Variants in COL5A1 observed in about 807,000 individuals in gnomAD.
The protein encoded by COL5A1 is collagen type V alpha 1 chain.
COL5A1 carries 16 observed loss-of-function variants against 263.7 expected under a neutral mutation model. That is an observed-to-expected ratio of 0.06 (90% CI 0.04 to 0.09). The LOEUF (loss-of-function observed/expected upper bound fraction) is 0.09. COL5A1 is among the 10% of genes least tolerant of loss of function. COL5A1 has a pLI of 1.00. For synonymous variants in COL5A1, 1,012 were observed against 1,004.5 expected (o/e 1.01, Z -0.14); for missense variants, 2,036 against 2,540.5 (o/e 0.80, Z 4.27).
rs61736966 is a variant in COL5A1, at chr9:134,796,855, A to G, written c.2852A>G (p.Asn951Ser). ...GCCTTTCTCTGTTCCCAGGGACCCA[A>G]TGGACCCCAAGGACCCACAGGATTT... The part of the protein sequence containing the change: ...PAGPPGERGP[N>S]GPQGPTGFPG... The change falls in exon 36 of 66, where the codon AAT becomes AGT. Residue 951 changes from asparagine to serine, a missense_variant. Coordinates refer to ENST00000371817, the MANE Select transcript of COL5A1 (RefSeq NM_000093.5). 0.013 allele frequency: 20,805 copies of G among 1,613,888 alleles called. 175 individuals are homozygous for G. The highest frequency in any genetic ancestry group is 0.016 in the South Asian group (1,421 of 91,074).
intron 9 of COL5A1, among the ~76,000 whole-genome samples, chr9:134,738,214 C>T (rs533254322): frequency 1.2e-4 from 19 of 152,316 alleles, no homozygotes; most frequent in African/African-American, 1.4e-4. Context: ...AGGTGCTTCT[C>T]GTGGCGCTGG....
At chr9:134,643,023 T>G (rs1014005880) in intron 1 of COL5A1, among the ~76,000 whole-genome samples, 7 of 152,144 alleles carry the variant, frequency 4.6e-5, no homozygotes, top group Admixed American at 1.3e-4. Flanking sequence ...CAGGCGGGGC[T>G]GTGAGTGGTT....
intron 38 of COL5A1, among the ~76,000 whole-genome samples, chr9:134,802,522 C>T (rs1325101650): frequency 1.3e-5 from 2 of 152,326 alleles, no homozygotes; most frequent in African/African-American, 4.8e-5. Flanking sequence ...AGCCACAGAA[C>T]TGAAGGGCAT....
intron 37 of COL5A1, among the ~76,000 whole-genome samples, chr9:134,799,918 G>A (rs993411094): frequency 3.9e-5 from 6 of 152,184 alleles, no homozygotes; most frequent in African/African-American, 9.7e-5. Flanking sequence ...TCTCTGCTCA[G>A]AAAGTTGCAC....
At chr9:134,804,767 C>T (rs902687778) in intron 39 of COL5A1, among the ~76,000 whole-genome samples, 22 of 152,222 alleles carry the variant, frequency 1.4e-4, no homozygotes, top group South Asian at 1.2e-3. Context: ...AAGGCCCCGA[C>T]CCTTGGCCTT....
At chr9:134,814,089 G>C in intron 49 of COL5A1, 53 bp downstream of exon 49, 1 of 1,529,236 alleles carries the variant, frequency 6.5e-7, no homozygotes, top group Non-Finnish European at 8.9e-7. Context: ...CGGGTGTGTG[G>C]ACGGGGTGCT....
At chr9:134,828,192 C>T (rs1003022081) in intron 63 of COL5A1, among the ~76,000 whole-genome samples, 6 of 152,160 alleles carry the variant, frequency 3.9e-5, no homozygotes, top group Non-Finnish European at 8.8e-5. Flanking sequence ...TGCAGGTCTC[C>T]CCTCAGAGGA....
chr9:134,829,359 A>C (rs998831693), intron 63 of COL5A1, among the ~76,000 whole-genome samples: 190 of 95,140 alleles, frequency 2.0e-3, no homozygotes, highest in African/African-American at 6.0e-3. Flanking sequence ...GGCCAGGCTC[A>C]TCCTCACGCG....
rs1338172696 is a variant in COL5A1, at chr9:134,757,709, C to T, written c.1882-534C>T. Reference sequence around the variant, plus strand: ...ACATCACCCCAGATGGTGTGCACACCCATGAGACAGGGCCCTGTTCCCGGG... The same window carrying T: ...ACATCACCCCAGATGGTGTGCACACTCATGAGACAGGGCCCTGTTCCCGGG... On this transcript the variant is annotated intron_variant, in intron 17 of 65. Transcript: ENST00000371817. This position sits in a 1 kb window ranked among gnomAD's most constrained non-coding sequence, Gnocchi z 6.2. Among the ~76,000 whole-genome samples the T allele has an allele frequency of 6.6e-6, 1 of 152,144 alleles. No homozygotes were observed. Among genetic ancestry groups the T allele is most frequent in the East Asian group, 1.9e-4 (1 of 5,180 alleles).
Position 134,730,492 on chromosome 9 carries a change from C to T in COL5A1, c.1164+17C>T. ...TCCTCCAATGTAATTTCTTTCCTTC[C>T]CATTGGTTTGGTCTGGGGCAGTGGG... On this transcript the variant is annotated intron_variant, in intron 7 of 65. Coordinates refer to ENST00000371817, the MANE Select transcript of COL5A1 (RefSeq NM_000093.5). 1 of 1,613,766 alleles carries T rather than the reference C, an allele frequency of 6.2e-7. No homozygotes were observed. Among genetic ancestry groups the T allele is most frequent in the Non-Finnish European group, 8.5e-7 (1 of 1,180,024 alleles).
At chr9:134,724,621 G>A (rs528259468) in intron 4 of COL5A1, among the ~76,000 whole-genome samples, 11 of 152,228 alleles carry the variant, frequency 7.2e-5, no homozygotes, top group African/African-American at 2.2e-4. Flanking sequence ...ATGGGTGTGC[G>A]CACAGAGCTC....
chr9:134,842,109 ACCC>A lies in COL5A1; in HGVS notation c.5371-45_5371-43del. The A allele has an allele frequency of 1.9e-6, 3 of 1,609,384 alleles. No homozygotes were observed. Among genetic ancestry groups the A allele is most frequent in the Non-Finnish European group, 2.6e-6 (3 of 1,176,250 alleles). On this transcript the variant is annotated intron_variant, in intron 65 of 65. Transcript: ENST00000371817. The surrounding 1 kb of genome is among the most constrained non-coding windows in gnomAD (Gnocchi z 5.8). ...TGGGGGGTGATTGGTAAACCCCAAGACCCCCAACTGTTCTTAACCACCGGCCAT... is the reference window on the plus strand; with the variant it reads ...TGGGGGGTGATTGGTAAACCCCAAGACCAACTGTTCTTAACCACCGGCCAT...
At chr9:134,771,303 C>T (rs1215057677) in intron 25 of COL5A1, among the ~76,000 whole-genome samples, 1 of 152,234 alleles carries the variant, frequency 6.6e-6, no homozygotes, top group Non-Finnish European at 1.5e-5. Flanking sequence ...CCCTCCTGGC[C>T]ACCCTGGACC....
chr9:134,719,280 A>G (rs1834370824), intron 4 of COL5A1, among the ~76,000 whole-genome samples: 1 of 152,258 alleles, frequency 6.6e-6, no homozygotes, highest in Admixed American at 6.5e-5. Flanking sequence ...ATACACATGC[A>G]TGTATACTGT....
intron 57 of COL5A1, among the ~76,000 whole-genome samples, chr9:134,819,620 G>A (rs1838909993): frequency 6.6e-6 from 1 of 152,198 alleles, no homozygotes; most frequent in East Asian, 1.9e-4. Context: ...GCTGCCTTGC[G>A]AGGCTTGCCC....
Position 134,806,293 on chromosome 9 carries a change from T to G in COL5A1, c.3363T>G (p.Ala1121=). ...GPPGPAGEKG[A]PGEKGPQGPA... ...CAGGGCCGGCAGGAGAGAAAGGGGC[T>G]CCTGTAAGTACTGCCTTGGATTGGG... The change falls in exon 42 of 66, where the codon GCT becomes GCG. Residue 1121 remains alanine, a synonymous_variant. Transcript: ENST00000371817. 6.5e-7 allele frequency: 1 copy of G among 1,546,016 alleles called. No individual in the cohort carries two copies. The highest frequency in any genetic ancestry group is 8.7e-7 in the Non-Finnish European group (1 of 1,144,338).
intron 4 of COL5A1, among the ~76,000 whole-genome samples, chr9:134,709,412 G>C (rs1564402477): frequency 6.6e-6 from 1 of 152,248 alleles, no homozygotes; most frequent in African/African-American, 2.4e-5. Context: ...CCAGTGTGCA[G>C]TGTGGCATTG....
chr9:134,830,289 A>C, intron 64 of COL5A1: 1 of 1,067,146 alleles, frequency 9.4e-7, no homozygotes, highest in Non-Finnish European at 1.4e-6. Context: ...CTCTTGCCAA[A>C]CCGCTCCACA....
intron 31 of COL5A1, among the ~76,000 whole-genome samples, chr9:134,787,820 G>T (rs1294919776): frequency 6.6e-6 from 1 of 152,218 alleles, no homozygotes; most frequent in Non-Finnish European, 1.5e-5. Flanking sequence ...AGCAGTGTGT[G>T]TCCCTTTCTC....
Sources: allele counts gnomAD v4.1 joint callset (sites outside exome capture counted in the v4.1 genomes callset), GRCh38; gene constraint gnomAD v4.1.1; non-coding constraint Gnocchi (gnomAD v3.1); transcripts MANE v1.5; gene names NCBI Gene and HGNC (gene_info 2026-07-23, HGNC 2026-07-21).